The following PPIL4 variants were observed in gnomAD, a reference collection of about 807,000 sequenced individuals.
PPIL4 encodes peptidylprolyl isomerase like 4.
In PPIL4, 50 loss-of-function variants were observed where a neutral mutation model predicts 69.1. The ratio of observed to expected loss-of-function variants is 0.72; its 90% CI spans 0.58 to 0.92. The LOEUF is 0.92. PPIL4 is among the 40% of genes least tolerant of loss of function. The pLI is 0.00. For missense variants in PPIL4, 480 were observed against 587.9 expected (o/e 0.82, Z 1.90); for synonymous variants, 193 against 191.6 (o/e 1.01, Z -0.06).
At chr6:149,519,297 A>G (rs547565262) in intron 10 of PPIL4, among the ~76,000 whole-genome samples, 1 of 152,314 alleles carries the variant, frequency 6.6e-6, no homozygotes, top group African/African-American at 2.4e-5. Flanking sequence ...AGGAATTATA[A>G]TATTTATTTC....
intron 11 of PPIL4, among the ~76,000 whole-genome samples, chr6:149,512,752 A>AT (rs1343830569): frequency 1.3e-5 from 2 of 151,630 alleles, no homozygotes; most frequent in South Asian, 2.1e-4. Context: ...TCTTCTTATT[A>AT]TTTTTTTTGA....
chr6:149,540,231 AGGTCATTGGGAGAATTAACAG>A (rs1170898810), intron 4 of PPIL4, among the ~76,000 whole-genome samples: 3 of 152,232 alleles, frequency 2.0e-5, no homozygotes, highest in East Asian at 3.8e-4. Context: ...TCTAACAAGT[AGGTCATTGGGAGAATTAACAG>A]GGTCATTGGG....
At position 149,525,306 on chromosome 6, in the gene PPIL4, T is replaced by C. The variant is rs1196507433; in HGVS notation, c.804-97A>G. On this transcript the variant is annotated intron_variant, in intron 8 of 12. Transcript: ENST00000253329. ...ACTGAAGAAGAAATAAGTCAGTTAC[T>C]ACAAGGCAAAGTTAAATTCATAGAT... 7 of 624,432 alleles carry C rather than the reference T, an allele frequency of 1.1e-5. No homozygotes were observed. In the African/African-American group the frequency reaches 1.1e-4, roughly 10 times the overall value. The allele number at this position is 624,432 out of a possible 1,614,324, so 38.7% of individuals were successfully genotyped here. A position where few individuals can be genotyped will look rare whatever the true frequency, so the allele number is the denominator to read the frequency against.
intron 7 of PPIL4, among the ~76,000 whole-genome samples, chr6:149,531,427 T>C (rs577241718): frequency 2.5e-4 from 37 of 150,902 alleles, no homozygotes; most frequent in South Asian, 8.4e-4. Context: ...TCCCAGCTAT[T>C]TGGGAAGCTG....
intron 12 of PPIL4, 44 bp from the exon 13 acceptor site, chr6:149,505,748 C>T (rs1422836642): frequency 4.5e-6 from 7 of 1,566,570 alleles, no homozygotes; most frequent in Non-Finnish European, 5.2e-6. Flanking sequence ...GTAAAATAAT[C>T]ATTTTGTGGG....
rs567514660 is a variant in PPIL4 at position 149,526,880 on chromosome 6, T to C, written c.679-104A>G. 8.3e-6 allele frequency: 9 copies of C among 1,088,504 alleles called. No homozygotes were observed. In the East Asian group the frequency reaches 1.7e-4, roughly 21 times the overall value. 67.4% of individuals were successfully genotyped at this position (1,088,504 alleles called of 1,614,324 possible). On this transcript the variant is annotated intron_variant, in intron 7 of 12. Transcript: ENST00000253329. ...GATTTCCTTAAAACATCTAAATTTA[T>C]GTTACAAACTGCAGGCTCTGGAAAA...
At chr6:149,512,544 A>G (rs1776868875) in intron 11 of PPIL4, among the ~76,000 whole-genome samples, 1 of 152,204 alleles carries the variant, frequency 6.6e-6, no homozygotes, top group Non-Finnish European at 1.5e-5. Context: ...AAAAATTAGG[A>G]GGAAAAAATA....
chr6:149,537,996 C>T (rs180702657), intron 4 of PPIL4, among the ~76,000 whole-genome samples: 4 of 152,228 alleles, frequency 2.6e-5, no homozygotes, highest in Admixed American at 2.6e-4. Flanking sequence ...CAGTGACTGA[C>T]ACCTGTAAAC....
rs1367108544 is a variant in PPIL4 at position 149,541,530 on chromosome 6, G to C, written c.127C>G (p.His43Asp). The C allele has an allele frequency of 6.3e-7, 1 of 1,585,874 alleles. No homozygotes were observed. Among genetic ancestry groups the C allele is most frequent in the Admixed American group, 1.7e-5 (1 of 59,872 alleles). The change falls in exon 2 of 13, where the codon CAC becomes GAC. Residue 43 changes from histidine to aspartate, a missense_variant. Physicochemically the swap from His to Asp is moderately conservative, Grantham distance 81. Coordinates refer to ENST00000253329, the MANE Select transcript of PPIL4 (RefSeq NM_139126.4). ...ATCTACCAACTCACCTGTACATTGT[G>C]AATAAGGCAATAATTGTAATATTTT... ...KIKYYNYCLI[H>D]NVQRDFIIQT...
At chr6:149,535,570 A>G (rs1777264063) in intron 5 of PPIL4, 26 bp downstream of exon 5, 8 of 1,592,266 alleles carry the variant, frequency 5.0e-6, no homozygotes, top group African/African-American at 2.7e-5. Context: ...ATTCTAGTAC[A>G]TTCAGATAGC....
intron 9 of PPIL4, among the ~76,000 whole-genome samples, chr6:149,522,756 G>C (rs113219790): frequency 0.027 from 4,101 of 152,174 alleles, 162 homozygotes; most frequent in African/African-American, 0.093. Context: ...GGGACTACAG[G>C]CACGCACCAC....
intron 7 of PPIL4, among the ~76,000 whole-genome samples, chr6:149,528,934 G>T (rs534662863): frequency 6.6e-6 from 1 of 152,270 alleles, no homozygotes; most frequent in South Asian, 2.1e-4. Context: ...GCAATTAAAA[G>T]AAATGAGCTA....
intron 11 of PPIL4, among the ~76,000 whole-genome samples, chr6:149,513,412 A>AAATATATATAT (rs1554215970): frequency 1.8e-5 from 1 of 55,328 alleles, no homozygotes; most frequent in African/African-American, 7.6e-5. Flanking sequence ...AAAAAAAAAA[A>AAATATATATAT]ATATATATAT....
chr6:149,513,989 T>G (rs1246763394), intron 11 of PPIL4, among the ~76,000 whole-genome samples: 2 of 152,212 alleles, frequency 1.3e-5, no homozygotes, highest in Non-Finnish European at 2.9e-5. Context: ...GCTAATTACA[T>G]GTGGGACCAC....
chr6:149,529,085 C>T (rs1482323758), intron 7 of PPIL4, among the ~76,000 whole-genome samples: 1 of 151,888 alleles, frequency 6.6e-6, no homozygotes, highest in Non-Finnish European at 1.5e-5. Flanking sequence ...TTAAAAATTA[C>T]CAAGGTGTGG....
At chr6:149,529,225 C>G (rs1777152731) in intron 7 of PPIL4, among the ~76,000 whole-genome samples, 1 of 148,332 alleles carries the variant, frequency 6.7e-6, no homozygotes, top group African/African-American at 2.5e-5. Context: ...GAGACTTTCT[C>G]TAAAAAAAAA....
intron 12 of PPIL4, among the ~76,000 whole-genome samples, chr6:149,507,312 A>G (rs765552849): frequency 3.0e-4 from 45 of 152,240 alleles, no homozygotes; most frequent in Non-Finnish European, 4.6e-4. Flanking sequence ...ACTGTGTAAT[A>G]CAGTATTATA....
chr6:149,543,150 A>G (rs1777388646), intron 1 of PPIL4, among the ~76,000 whole-genome samples: 1 of 152,262 alleles, frequency 6.6e-6, no homozygotes, highest in Non-Finnish European at 1.5e-5. Flanking sequence ...TTAACATCAC[A>G]GAGCCAACCA....
intron 9 of PPIL4, among the ~76,000 whole-genome samples, chr6:149,521,558 T>C (rs1125107): frequency 0.2 from 29,722 of 152,160 alleles, 4,409 homozygotes; most frequent in East Asian, 0.77. Flanking sequence ...GTTCCTAAGT[T>C]TGTTGTTAAA....
Sources: allele counts gnomAD v4.1 joint callset (sites outside exome capture counted in the v4.1 genomes callset), GRCh38; gene constraint gnomAD v4.1.1; transcripts MANE v1.5; gene names NCBI Gene and HGNC (gene_info 2026-07-23, HGNC 2026-07-21).